The following DNAH10 variants were observed in gnomAD, a reference collection of about 807,000 sequenced individuals.
DNAH10 encodes dynein axonemal heavy chain 10.
In DNAH10, 348 loss-of-function variants were observed where a neutral mutation model predicts 506.6. The ratio of observed to expected loss-of-function variants is 0.69; its 90% CI spans 0.63 to 0.75. DNAH10 has a LOEUF of 0.75. Among genes scored for constraint, DNAH10 ranks in the 30% least tolerant of loss-of-function variants. The pLI is 0.00. For synonymous variants in DNAH10, 2,059 were observed against 2,198.6 expected (o/e 0.94, Z 1.78); for missense variants, 5,179 against 5,787.1 (o/e 0.89, Z 3.41).
Position 123,935,514 on chromosome 12 carries a change from G to C in DNAH10, c.*33G>C, listed in dbSNP as rs779424807. 6.5e-7 allele frequency: 1 copy of C among 1,544,452 alleles called. No individual in the cohort carries two copies. The highest frequency in any genetic ancestry group is 1.5e-5 in the African/African-American group (1 of 65,182). On this transcript the variant is annotated 3_prime_UTR_variant, in exon 79 of 79. Transcript: ENST00000673944. ...GTGAAGAAAACTGCTTAATGAATTC[G>C]GAGCCTGGGGTTGTCAGAGTGATCG...
intron 45 of DNAH10, 37 bp from the exon 46 acceptor site, chr12:123,873,521 A>G (rs1328831933): frequency 3.8e-6 from 6 of 1,572,618 alleles, no homozygotes; most frequent in Non-Finnish European, 5.2e-6. Context: ...ACCCTGGGGA[A>G]AAAGCTGGCT....
Position 123,935,482 on chromosome 12 carries a change from C to T in DNAH10, c.*1C>T, listed in dbSNP as rs766384783. 1.3e-6 allele frequency: 2 copies of T among 1,576,972 alleles called. No individual in the cohort carries two copies. Among genetic ancestry groups the T allele is most frequent in the African/African-American group, 2.7e-5 (2 of 74,298 alleles). Reference sequence around the variant, plus strand: ...ATGCCTCACCCTGAATTCTGATTAACCTTTGGGTGAAGAAAACTGCTTAAT... The same window carrying T: ...ATGCCTCACCCTGAATTCTGATTAATCTTTGGGTGAAGAAAACTGCTTAAT... On this transcript the variant is annotated 3_prime_UTR_variant, in exon 79 of 79. Transcript: ENST00000673944.
At chr12:123,930,697 T>C in intron 73 of DNAH10, 124 bp downstream of exon 73, 1 of 1,051,304 alleles carries the variant, frequency 9.5e-7, no homozygotes, top group Non-Finnish European at 1.3e-6. Flanking sequence ...TTAAGCCTGT[T>C]AGGTGGCTCG....
chr12:123,841,360 C>T lies in DNAH10; in HGVS notation c.5175C>T (p.Gly1725=), dbSNP rs768562448. The part of the protein sequence containing the change: ...DNIASLRFND[G]DSGEKLVSAM... ...TAGCATCACTGAGGTTTAATGACGGCGATAGTGGAGAAAAACTGGTGTCCG... is the reference window on the plus strand; with the variant it reads ...TAGCATCACTGAGGTTTAATGACGGTGATAGTGGAGAAAAACTGGTGTCCG... Residue 1725 remains glycine, a synonymous_variant, in exon 30 of 79, where the codon GGC becomes GGT. Coordinates refer to ENST00000673944, the MANE Select transcript of DNAH10 (RefSeq NM_001372106.1). The T allele has an allele frequency of 9.3e-6, 15 of 1,613,706 alleles. No individual in the cohort carries two copies. Among genetic ancestry groups the T allele is most frequent in the Non-Finnish European group, 1.3e-5 (15 of 1,179,888 alleles).
At chr12:123,894,611 G>C in intron 53 of DNAH10, 32 bp from the exon 54 acceptor site, 1 of 1,600,518 alleles carries the variant, frequency 6.2e-7, no homozygotes, top group Non-Finnish European at 8.6e-7. Context: ...CCCAGGCTGG[G>C]AGCATCTTTT....
intron 57 of DNAH10, chr12:123,908,386 C>A: frequency 2.2e-6 from 1 of 456,216 alleles, no homozygotes; most frequent in Non-Finnish European, 4.4e-6. Context: ...GCCGCCCCCA[C>A]ACTGCATCCA....
At chr12:123,774,389 G>A in intron 5 of DNAH10, 125 bp downstream of exon 5, 6 of 675,926 alleles carry the variant, frequency 8.9e-6, no homozygotes, top group South Asian at 6.3e-5. Context: ...CTGAGGTGCT[G>A]AGACCAGCTC....
intron 54 of DNAH10, among the ~76,000 whole-genome samples, chr12:123,896,148 CAGAGAGAGAGAG>C (rs71444923): frequency 1.3e-3 from 127 of 95,302 alleles, no homozygotes; most frequent in African/African-American, 4.5e-3. Flanking sequence ...CACACACACA[CAGAGAGAGAGAG>C]AGAGAGAGAG....
In DNAH10 at chr12:123,801,266, T is replaced by C. The variant is rs760533284; in HGVS notation, c.2463-15T>C. On this transcript the variant is annotated splice_polypyrimidine_tract_variant and intron_variant, in intron 15 of 78. Transcript: ENST00000673944. Reference sequence around the variant, plus strand: ...GGTGCTCTCCTCAGGTTTATGACATTCCTGTCATGTGCAGGTACACAGCTG... The same window carrying C: ...GGTGCTCTCCTCAGGTTTATGACATCCCTGTCATGTGCAGGTACACAGCTG... The C allele has an allele frequency of 2.5e-6, 4 of 1,612,424 alleles. No individual in the cohort carries two copies. Among genetic ancestry groups the C allele is most frequent in the Non-Finnish European group, 3.4e-6 (4 of 1,179,216 alleles).
intron 43 of DNAH10, among the ~76,000 whole-genome samples, chr12:123,869,027 TG>T (rs1191798289): frequency 4.6e-5 from 7 of 152,210 alleles, no homozygotes; most frequent in African/African-American, 1.2e-4. Context: ...GCCCTCATCT[TG>T]GGGGCCTGAA....
chr12:123,835,467 T>C lies in DNAH10; in HGVS notation c.4841T>C (p.Ile1614Thr), dbSNP rs768727102. Residue 1614 changes from isoleucine to threonine, a missense_variant, in exon 28 of 79, where the codon ATA (isoleucine) becomes ACA (threonine). This residue lies in a region of DNAH10 where 4,844 missense variants were observed against 5,430.5 expected (regional missense o/e 0.89). Transcript: ENST00000673944. ...GAAAGTATTTTTATTGGTGGAGATA[T>C]AAGATCACAACTTCCGGAAGAGGCA... is the stretch of plus-strand genomic sequence containing the variant. ...YLESIFIGGD[I>T]RSQLPEEAKK... 1.9e-6 allele frequency: 3 copies of C among 1,609,104 alleles called. No homozygotes were observed. The highest frequency in any genetic ancestry group is 2.2e-5 in the South Asian group (2 of 89,934).
chr12:123,890,095 C>T (rs1035512938), intron 52 of DNAH10, among the ~76,000 whole-genome samples: 1 of 152,190 alleles, frequency 6.6e-6, no homozygotes, highest in African/African-American at 2.4e-5. Flanking sequence ...AACCCATTGG[C>T]CGGTTCCTGG....
At chr12:123,885,341 G>A (rs878929679) in intron 51 of DNAH10, among the ~76,000 whole-genome samples, 1 of 152,204 alleles carries the variant, frequency 6.6e-6, no homozygotes, top group Admixed American at 6.5e-5. Flanking sequence ...GCGTTGGACA[G>A]TATTCTATTG....
Position 123,853,902 on chromosome 12 carries a change from G to A in DNAH10, c.6438+550G>A, listed in dbSNP as rs950350014. On this transcript the variant is annotated intron_variant, in intron 36 of 78. Coordinates refer to ENST00000673944, the MANE Select transcript of DNAH10 (RefSeq NM_001372106.1). The surrounding 1 kb of genome is among the most constrained non-coding windows in gnomAD (Gnocchi z 4.7). Reference sequence around the variant, plus strand: ...CATGCACGCGCACACACGTACGCACGCACATGTACACATACGCACACGCAC... The same window carrying A: ...CATGCACGCGCACACACGTACGCACACACATGTACACATACGCACACGCAC... Among the ~76,000 whole-genome samples, 2 of 147,688 alleles carry A rather than the reference G, an allele frequency of 1.4e-5. No individual in the cohort carries two copies. Among genetic ancestry groups the A allele is most frequent in the Admixed American group, 6.7e-5 (1 of 14,816 alleles).
intron 1 of DNAH10, among the ~76,000 whole-genome samples, chr12:123,766,221 ATCTG>A (rs200449959): frequency 0.029 from 4,463 of 151,774 alleles, 74 homozygotes; most frequent in African/African-American, 0.045. Context: ...CTGTTTATCT[ATCTG>A]TCTGTCTGTC....
intron 64 of DNAH10, among the ~76,000 whole-genome samples, chr12:123,918,180 C>T (rs1954569894): frequency 6.6e-6 from 1 of 152,226 alleles, no homozygotes; most frequent in African/African-American, 2.4e-5. Context: ...GGGCCTTCTA[C>T]TGGGTTGGCG....
chr12:123,769,357 A>G (rs1334007145), intron 2 of DNAH10, among the ~76,000 whole-genome samples: 3 of 149,064 alleles, frequency 2.0e-5, no homozygotes, highest in Non-Finnish European at 4.5e-5. Flanking sequence ...TTGTATTTTT[A>G]GTAGAGACGG....
rs376924378 is a variant in DNAH10 at position 123,850,847 on chromosome 12, C to G, written c.6103-41C>G. The G allele has an allele frequency of 6.4e-7, 1 of 1,571,120 alleles. No homozygotes were observed. Among genetic ancestry groups the G allele is most frequent in the African/African-American group, 1.4e-5 (1 of 73,766 alleles). On this transcript the variant is annotated intron_variant, in intron 34 of 78. Coordinates refer to ENST00000673944, the MANE Select transcript of DNAH10 (RefSeq NM_001372106.1). This position sits in a 1 kb window ranked among gnomAD's most constrained non-coding sequence, Gnocchi z 5.5. ...CTTTCCAAGGGGCTGGCCGGCCGGG[C>G]CACCTAACTGCTTCTTTCTTTCTTC...
intron 37 of DNAH10, among the ~76,000 whole-genome samples, chr12:123,857,589 G>T (rs1180665635): frequency 6.6e-6 from 1 of 152,146 alleles, no homozygotes; most frequent in African/African-American, 2.4e-5. Flanking sequence ...TTAGCCGGGC[G>T]TGGTGGCGCT....
Sources: gnomAD v4.1 joint callset for allele counts (sites outside exome capture counted in the v4.1 genomes callset) on GRCh38, gnomAD v4.1.1 for gene constraint, gnomAD v4.1.1 regional missense constraint, Gnocchi (gnomAD v3.1) non-coding constraint, MANE v1.5 for transcripts, NCBI Gene and HGNC (gene_info 2026-07-23, HGNC 2026-07-21) for gene names.